The following FER1L6 variants were observed in gnomAD, a reference collection of about 807,000 sequenced individuals.
FER1L6 encodes fer-1 like family member 6.
A neutral mutation model predicts 219.2 loss-of-function variants in FER1L6; 177 were observed. The observed-to-expected ratio is 0.81, with a 90% CI of 0.71 to 0.91. The LOEUF (loss-of-function observed/expected upper bound fraction) is 0.91, where lower values mean the gene tolerates loss of function less well. Ranked by LOEUF, FER1L6 falls within the 40% of genes least tolerant of loss-of-function variation. The pLI, the probability that FER1L6 is intolerant of heterozygous loss-of-function variation, is 0.00. For missense variants in FER1L6, 2,153 were observed against 2,259.9 expected (o/e 0.95, Z 0.96); for synonymous variants, 768 against 824.3 (o/e 0.93, Z 1.17).
At chr8:124,004,132 A>C (rs954416996) in intron 13 of FER1L6, 4 of 151,796 alleles carry the variant, frequency 2.6e-5, no homozygotes, top group African/African-American at 9.7e-5. Flanking sequence ...AAAAAAAAAA[A>C]AAAACAATTG....
chr8:124,101,034 T>G (rs1296093344), intron 37 of FER1L6, 63 bp from the exon 38 acceptor site: 11 of 1,497,030 alleles, frequency 7.3e-6, no homozygotes, highest in Non-Finnish European at 1.0e-5. Context: ...AAATCACTTA[T>G]GATTATACTG....
At chr8:124,069,278 GC>G (rs1820963034) in intron 28 of FER1L6, 81 bp from the exon 29 acceptor site, 12 of 1,064,112 alleles carry the variant, frequency 1.1e-5, no homozygotes, top group Non-Finnish European at 1.7e-5. Flanking sequence ...GGACATGTCA[GC>G]AAAAGGAAAG....
chr8:123,917,365 G>A (rs1045639168), intron 1 of FER1L6, among the ~76,000 whole-genome samples: 2 of 152,220 alleles, frequency 1.3e-5, no homozygotes, highest in African/African-American at 4.8e-5. Context: ...ATGTCGAGGT[G>A]TCCAGTACAT....
chr8:124,086,912 C>T (rs1400358181), intron 33 of FER1L6, among the ~76,000 whole-genome samples: 1 of 151,126 alleles, frequency 6.6e-6, no homozygotes, highest in Non-Finnish European at 1.5e-5. Flanking sequence ...TGTCATGCTA[C>T]TCTCTCCTGG....
intron 12 of FER1L6, among the ~76,000 whole-genome samples, chr8:123,997,415 C>T (rs1251095094): frequency 6.6e-6 from 1 of 152,030 alleles, no homozygotes; most frequent in Non-Finnish European, 1.5e-5. Context: ...TATGTTATTT[C>T]TTTTCTCTTG....
chr8:123,961,815 A>G (rs995058923), intron 2 of FER1L6, among the ~76,000 whole-genome samples: 1 of 151,956 alleles, frequency 6.6e-6, no homozygotes, highest in Admixed American at 6.5e-5. Flanking sequence ...AAAAGCACTC[A>G]AGTGTGCAGA....
rs758726835 is a variant in FER1L6, at chr8:123,977,528, G to C, written c.982G>C (p.Glu328Gln). The change falls in exon 10 of 41, where the codon GAA becomes CAA. Residue 328 changes from glutamate to glutamine, a missense_variant. Transcript: ENST00000522917. ...CRRVKIQVWD[E>Q]GSMNDVALAT... ...GAGGGTGAAAATCCAGGTGTGGGAT[G>C]AAGGCAGCATGAATGACGTAGCCCT... 17 of 1,614,132 alleles carry C rather than the reference G, an allele frequency of 1.1e-5. No individual in the cohort carries two copies. The highest frequency in any genetic ancestry group is 1.4e-5 in the Non-Finnish European group (16 of 1,180,006).
At chr8:123,872,644 A>G (rs993750872) in intron 1 of FER1L6, among the ~76,000 whole-genome samples, 4 of 152,250 alleles carry the variant, frequency 2.6e-5, no homozygotes, top group African/African-American at 9.6e-5. Context: ...CATGGGGAAT[A>G]TAGAAACTCT....
chr8:124,011,926 G>T (rs1318486238), intron 14 of FER1L6, among the ~76,000 whole-genome samples: 1 of 152,132 alleles, frequency 6.6e-6, no homozygotes, highest in Non-Finnish European at 1.5e-5. Flanking sequence ...TAATTATTCA[G>T]GGAATTGAAT....
chr8:124,096,200 G>C (rs977466912), intron 35 of FER1L6, among the ~76,000 whole-genome samples: 6 of 152,210 alleles, frequency 3.9e-5, no homozygotes, highest in African/African-American at 1.4e-4. Flanking sequence ...AAATCATCTG[G>C]TTACTAGGAT....
chr8:124,044,653 A>G (rs573845664), intron 20 of FER1L6, among the ~76,000 whole-genome samples: 1 of 152,308 alleles, frequency 6.6e-6, no homozygotes, highest in South Asian at 2.1e-4. Context: ...CACCTATGAA[A>G]TCACTCATTT....
At position 123,942,196 on chromosome 8, in the gene FER1L6, C is replaced by T. The variant is rs1179782757; in HGVS notation, c.-7-13796C>T. Among the ~76,000 whole-genome samples, 4 of 152,124 alleles carry T rather than the reference C, an allele frequency of 2.6e-5. No individual in the cohort carries two copies. In the East Asian group the frequency reaches 7.7e-4, roughly 29 times the overall value. Reference sequence around the variant, plus strand: ...TTAGTCTGTACCTGCAGAACCTTCTCCCCAACCCCTCCCCACACTTCATGC... The same window carrying T: ...TTAGTCTGTACCTGCAGAACCTTCTTCCCAACCCCTCCCCACACTTCATGC... On this transcript the variant is annotated intron_variant, in intron 1 of 40. Coordinates refer to ENST00000522917, the MANE Select transcript of FER1L6 (RefSeq NM_001039112.2).
At chr8:123,891,985 A>C (rs1812656192) in intron 1 of FER1L6, among the ~76,000 whole-genome samples, 1 of 152,238 alleles carries the variant, frequency 6.6e-6, no homozygotes, top group African/African-American at 2.4e-5. Flanking sequence ...AAGCACACTG[A>C]TAGAAGGGCA....
rs142971334 is a variant in FER1L6, at chr8:124,043,486, A to C, written c.2590-2281A>C. 4.7e-3 allele frequency among the ~76,000 whole-genome samples: 710 copies of C among 152,334 alleles called. 5 individuals carry two copies. The highest frequency in any genetic ancestry group is 0.016 in the African/African-American group (686 of 41,578). On this transcript the variant is annotated intron_variant, in intron 20 of 40. Coordinates refer to ENST00000522917, the MANE Select transcript of FER1L6 (RefSeq NM_001039112.2). Reference sequence around the variant, plus strand: ...CAGTTATAATGCATAACTCTTTAAGAAAGCCCTTAAGAAATGAGGCGAATT... The same window carrying C: ...CAGTTATAATGCATAACTCTTTAAGCAAGCCCTTAAGAAATGAGGCGAATT...
chr8:124,073,977 CA>C (rs944493218), intron 31 of FER1L6, among the ~76,000 whole-genome samples: 18 of 152,194 alleles, frequency 1.2e-4, no homozygotes, highest in African/African-American at 4.1e-4. Context: ...GGCTATTAAA[CA>C]GTGTTCTAGT....
At chr8:124,002,207 G>A (rs188089782) in intron 12 of FER1L6, among the ~76,000 whole-genome samples, 3 of 152,328 alleles carry the variant, frequency 2.0e-5, no homozygotes, top group African/African-American at 2.4e-5. Context: ...AATTCTGTAC[G>A]GAAGGTGGCT....
chr8:123,885,621 T>A lies in FER1L6; in HGVS notation c.-8+33436T>A, dbSNP rs552613983. Among the ~76,000 whole-genome samples, 66 of 152,318 alleles carry A rather than the reference T, an allele frequency of 4.3e-4. 1 individual carries two copies. The South Asian group carries it at 0.013, about 31-fold the overall frequency. ...ATTACTATTTCACAGATGAGGAAAC[T>A]GAGCCACAGGAAGCTGTTCAATGTC... is the stretch of plus-strand genomic sequence containing the variant. On this transcript the variant is annotated intron_variant, in intron 1 of 40. Transcript: ENST00000522917.
At chr8:124,075,186 C>T (rs900721866) in intron 31 of FER1L6, among the ~76,000 whole-genome samples, 3 of 152,208 alleles carry the variant, frequency 2.0e-5, no homozygotes, top group African/African-American at 7.2e-5. Flanking sequence ...AAGTTTTTAA[C>T]TTTTGACGCT....
At chr8:124,050,615 A>G (rs1042648539) in intron 22 of FER1L6, among the ~76,000 whole-genome samples, 1 of 152,140 alleles carries the variant, frequency 6.6e-6, no homozygotes, top group Non-Finnish European at 1.5e-5. Flanking sequence ...CTGCTATTAT[A>G]TAATAGAATT....
Sources: gnomAD v4.1 joint callset for allele counts (sites outside exome capture counted in the v4.1 genomes callset) on GRCh38, gnomAD v4.1.1 for gene constraint, MANE v1.5 for transcripts, NCBI Gene and HGNC (gene_info 2026-07-23, HGNC 2026-07-21) for gene names.